ALG9: variants seen among roughly 807,000 people sequenced by gnomAD.
The protein encoded by ALG9 is alpha-1,2-mannosyltransferase ALG9.
Under a neutral mutation model 81.8 loss-of-function variants are expected in ALG9, and 55 were observed. The observed-to-expected ratio is 0.67, with a 90% CI of 0.54 to 0.84. The LOEUF is 0.84. Among genes scored for constraint, ALG9 ranks in the 40% least tolerant of loss-of-function variants. The pLI is 0.00. For synonymous variants in ALG9, 278 were observed against 274.3 expected (o/e 1.01, Z -0.13); for missense variants, 629 against 745.0 (o/e 0.84, Z 1.81).
rs544810079 is a variant in ALG9, at chr11:111,865,057, G to A, written c.476+124C>T. On this transcript the variant is annotated intron_variant, in intron 4 of 14. Coordinates refer to ENST00000616540, the MANE Select transcript of ALG9 (RefSeq NM_024740.2). Reference sequence around the variant, plus strand: ...CTCCCAAAGTGCTGGGATTACAGGTGTGAGCCACCGCACCCGGTCAAGAGT... The same window carrying A: ...CTCCCAAAGTGCTGGGATTACAGGTATGAGCCACCGCACCCGGTCAAGAGT... 1.0e-4 allele frequency: 73 copies of A among 708,528 alleles called. No homozygotes were observed. The African/African-American group carries it at 1.1e-3, about 10-fold the overall frequency. The allele number at this position is 708,528 out of a possible 1,614,324, so 43.9% of individuals were successfully genotyped here.
intron 10 of ALG9, 55 bp downstream of exon 10, chr11:111,840,600 A>C: frequency 6.2e-7 from 1 of 1,604,396 alleles, no homozygotes; most frequent in Non-Finnish European, 8.5e-7. Flanking sequence ...GTTTGTGAGC[A>C]ATTATTTAAT....
intron 12 of ALG9, among the ~76,000 whole-genome samples, chr11:111,837,074 T>C (rs10502150): frequency 0.29 from 44,794 of 152,176 alleles, 7,474 homozygotes; most frequent in East Asian, 0.59. Flanking sequence ...CTTTCACTAC[T>C]GTTGGGTCAA....
rs187018153 is a variant in ALG9 at position 111,863,818 on chromosome 11, A to G, written c.476+1363T>C. Among the ~76,000 whole-genome samples, 1,035 of 152,324 alleles carry G rather than the reference A, an allele frequency of 6.8e-3. 9 individuals carry two copies. The highest frequency in any genetic ancestry group is 9.6e-3 in the Non-Finnish European group (653 of 68,018). On this transcript the variant is annotated intron_variant, in intron 4 of 14. Transcript: ENST00000616540. Reference sequence around the variant, plus strand: ...AGTAGTTTATTATCAACTAAGCTGTAGGGCAGAGGCAAATCATGATCCTGT... The same window carrying G: ...AGTAGTTTATTATCAACTAAGCTGTGGGGCAGAGGCAAATCATGATCCTGT...
chr11:111,868,600 AC>A lies in ALG9; in HGVS notation c.405+1del. ...ATTGCTTCCAGGTTGGTCTGCCCTT[AC>A]CTTATTAGTTTGTAGAATTCTTGCA... On this transcript the variant is annotated splice_donor_variant, in intron 3 of 14. Transcript: ENST00000616540. LOFTEE classifies it high-confidence loss of function. 6.2e-7 allele frequency: 1 copy of A among 1,613,746 alleles called. No homozygotes were observed. The highest frequency in any genetic ancestry group is 8.5e-7 in the Non-Finnish European group (1 of 1,179,764).
At chr11:111,839,325 CCT>C (rs1955834545) in intron 10 of ALG9, among the ~76,000 whole-genome samples, 1 of 151,978 alleles carries the variant, frequency 6.6e-6, no homozygotes, top group African/African-American at 2.4e-5. Context: ...GTGGCTCACG[CCT>C]GTAATCCCAG....
At chr11:111,807,393 T>C (rs1178909967) in intron 14 of ALG9, among the ~76,000 whole-genome samples, 1 of 152,192 alleles carries the variant, frequency 6.6e-6, no homozygotes, top group African/African-American at 2.4e-5. Context: ...ACATGGTTAA[T>C]GCCCTTACAT....
intron 13 of ALG9, among the ~76,000 whole-genome samples, chr11:111,832,212 G>C (rs1292628043): frequency 1.3e-5 from 2 of 152,162 alleles, no homozygotes; most frequent in Admixed American, 1.3e-4. Context: ...CACATTTATT[G>C]TAGTATTTAT....
At chr11:111,844,440 G>C (rs1160323890) in intron 9 of ALG9, among the ~76,000 whole-genome samples, 161 bp downstream of exon 9, 1 of 152,182 alleles carries the variant, frequency 6.6e-6, no homozygotes, top group Non-Finnish European at 1.5e-5. Flanking sequence ...CTTCACAAGG[G>C]TTCAATGGAT....
chr11:111,772,591 T>C, the ALG9 span, among the ~76,000 whole-genome samples: 1 of 152,226 alleles, frequency 6.6e-6, no homozygotes, highest in African/African-American at 2.4e-5. Context: ...TCTACATTTA[T>C]ACGGTGGGGC....
downstream of ALG9, among the ~76,000 whole-genome samples, chr11:111,780,400 T>TTTTTTGC (rs1555056524): frequency 6.6e-6 from 1 of 150,674 alleles, no homozygotes; most frequent in Non-Finnish European, 1.5e-5. Flanking sequence ...TTTTGTTTTG[T>TTTTTTGC]TTTTTGTTTT....
chr11:111,870,392 A>G (rs782130729), intron 1 of ALG9, 22 bp from the exon 2 acceptor site: 3 of 1,518,466 alleles, frequency 2.0e-6, no homozygotes, highest in Non-Finnish European at 8.8e-7. Flanking sequence ...CAAAAAAAAA[A>G]AAAAAAAAAA....
At chr11:111,820,537 C>T (rs1952163554) in intron 13 of ALG9, among the ~76,000 whole-genome samples, 1 of 152,208 alleles carries the variant, frequency 6.6e-6, no homozygotes, top group African/African-American at 2.4e-5. Flanking sequence ...ATGACCCAAA[C>T]ACCTTCCATT....
chr11:111,799,837 T>G (rs1172586466), intron 14 of ALG9, among the ~76,000 whole-genome samples: 1 of 152,192 alleles, frequency 6.6e-6, no homozygotes, highest in Admixed American at 6.5e-5. Context: ...TAAATAGAAC[T>G]TTTTGATGCT....
intron 5 of ALG9, among the ~76,000 whole-genome samples, chr11:111,858,722 G>C (rs1555145477): frequency 2.6e-5 from 4 of 152,322 alleles, no homozygotes; most frequent in African/African-American, 4.8e-5. Context: ...CAGAAAGTCT[G>C]AATCAGTAGG....
At chr11:111,832,271 C>A (rs1954499676) in intron 13 of ALG9, among the ~76,000 whole-genome samples, 1 of 151,964 alleles carries the variant, frequency 6.6e-6, no homozygotes, top group African/African-American at 2.4e-5. Flanking sequence ...CATTTTTAAT[C>A]TTTTTTTAAT....
intron 13 of ALG9, among the ~76,000 whole-genome samples, chr11:111,825,378 A>C (rs377604514): frequency 6.6e-6 from 1 of 152,324 alleles, no homozygotes; most frequent in African/African-American, 2.4e-5. Context: ...CACATACATA[A>C]ATATGTGAGA....
chr11:111,861,597 G>A (rs937633278), intron 4 of ALG9, among the ~76,000 whole-genome samples: 1 of 152,022 alleles, frequency 6.6e-6, no homozygotes, highest in Non-Finnish European at 1.5e-5. Context: ...TCAGCCTCCT[G>A]AATGGCTAGG....
At chr11:111,855,552 AG>A (rs1460161804) in intron 6 of ALG9, among the ~76,000 whole-genome samples, 1 of 152,204 alleles carries the variant, frequency 6.6e-6, no homozygotes, top group Non-Finnish European at 1.5e-5. Context: ...TGGGAAAGAG[AG>A]AAGAGTCACA....
chr11:111,800,907 TA>T lies in ALG9; in HGVS notation c.1733+8735del. ...AGAACAAATGATCTGAGAAAAACCATAAAAAAAGCAGGGTTAGATTTTAGGA... is the reference window on the plus strand; with the variant it reads ...AGAACAAATGATCTGAGAAAAACCATAAAAAAGCAGGGTTAGATTTTAGGA... On this transcript the variant is annotated intron_variant, in intron 14 of 14. Coordinates refer to ENST00000616540, the MANE Select transcript of ALG9 (RefSeq NM_024740.2). Among the ~76,000 whole-genome samples, 3 of 152,182 alleles carry T rather than the reference TA, an allele frequency of 2.0e-5. No homozygotes were observed. In the East Asian group the frequency reaches 5.8e-4, roughly 29 times the overall value.
Sources: allele counts gnomAD v4.1 joint callset (sites outside exome capture counted in the v4.1 genomes callset), GRCh38; gene constraint gnomAD v4.1.1; transcripts MANE v1.5; gene names NCBI Gene and HGNC (gene_info 2026-07-23, HGNC 2026-07-21).